Variants in HDAC4 observed in about 807,000 individuals in gnomAD.
HDAC4 encodes histone deacetylase 4, also known as histone deacetylase A.
Under a neutral mutation model 135.1 loss-of-function variants are expected in HDAC4, and 16 were observed. That is an observed-to-expected ratio of 0.12 (90% CI 0.08 to 0.18). HDAC4 has a LOEUF of 0.18. Among genes scored for constraint, HDAC4 ranks in the 10% least tolerant of loss-of-function variants. The pLI is 1.00. For synonymous variants in HDAC4, 685 were observed against 653.4 expected (o/e 1.05, Z -0.74); for missense variants, 1,143 against 1,511.8 (o/e 0.76, Z 4.05).
intron 2 of HDAC4, among the ~76,000 whole-genome samples, chr2:239,339,530 C>T (rs939916937): frequency 5.9e-5 from 9 of 152,202 alleles, no homozygotes; most frequent in Non-Finnish European, 1.0e-4. Flanking sequence ...CATGCTCTCT[C>T]GGGTGATGTG....
chr2:239,108,195 C>A lies in HDAC4; in HGVS notation c.1979-12G>T. ...GTCATACACGAGGCCTGGGGCGGGG[C>A]AGAGGGGCCAAGATCAGCGCACATC... On this transcript the variant is annotated splice_polypyrimidine_tract_variant and intron_variant, in intron 14 of 26. Transcript: ENST00000543185. 1 of 1,591,912 alleles carries A rather than the reference C, an allele frequency of 6.3e-7. No individual in the cohort carries two copies. The highest frequency in any genetic ancestry group is 8.5e-7 in the Non-Finnish European group (1 of 1,170,624).
intron 16 of HDAC4, 69 bp downstream of exon 16, chr2:239,102,707 T>G: frequency 9.6e-5 from 153 of 1,587,150 alleles, no homozygotes; most frequent in Middle Eastern, 1.7e-4. Context: ...CACAAGGGGT[T>G]GAGAGCTGGA....
chr2:239,314,948 T>C (rs2053054706), intron 2 of HDAC4, among the ~76,000 whole-genome samples: 1 of 152,170 alleles, frequency 6.6e-6, no homozygotes, highest in African/African-American at 2.4e-5. Context: ...TCCTCCCTTT[T>C]GGAATTGCTG....
chr2:239,082,693 G>A (rs1458641121), intron 20 of HDAC4, among the ~76,000 whole-genome samples: 1 of 152,258 alleles, frequency 6.6e-6, no homozygotes, highest in East Asian at 1.9e-4. Flanking sequence ...CAGGCAGGGC[G>A]TTCGGCAGGA....
At chr2:239,109,451 G>A (rs1419038150) in intron 14 of HDAC4, among the ~76,000 whole-genome samples, 2 of 152,202 alleles carry the variant, frequency 1.3e-5, no homozygotes, top group African/African-American at 2.4e-5. Context: ...AGGTGGTCCA[G>A]TGTTTGCAGG....
chr2:239,391,077 G>A (rs1303151775), intron 1 of HDAC4, among the ~76,000 whole-genome samples: 1 of 152,172 alleles, frequency 6.6e-6, no homozygotes, highest in African/African-American at 2.4e-5. Context: ...GCCTCGGCTC[G>A]GCCTCGATAC....
chr2:239,179,175 T>G (rs943725137), intron 4 of HDAC4, among the ~76,000 whole-genome samples: 19 of 152,208 alleles, frequency 1.2e-4, no homozygotes, highest in African/African-American at 4.6e-4. Context: ...ACTGGATGCC[T>G]GTGCTCCATG....
intron 1 of HDAC4, among the ~76,000 whole-genome samples, chr2:239,359,677 C>G (rs1161649917): frequency 3.3e-5 from 5 of 152,200 alleles, no homozygotes; most frequent in Non-Finnish European, 1.5e-5. Flanking sequence ...CAGAAATGGT[C>G]ATTCCCTGGT....
intron 2 of HDAC4, among the ~76,000 whole-genome samples, chr2:239,237,591 A>C (rs2047957177): frequency 6.6e-6 from 1 of 152,062 alleles, no homozygotes; most frequent in East Asian, 1.9e-4. Flanking sequence ...AAAAAAAAAA[A>C]ACCCATTTTT....
Position 239,302,772 on chromosome 2 carries a change from G to C in HDAC4, c.22+49906C>G, listed in dbSNP as rs7355652. 3.9e-5 allele frequency among the ~76,000 whole-genome samples: 6 copies of C among 152,338 alleles called. No individual in the cohort carries two copies. The South Asian group carries it at 1.2e-3, about 32-fold the overall frequency. ...GCGCACCCCTGCAGGAAGAACCATCGCTGCTCAAGGCAGTCATCTAAGAAC... is the reference window on the plus strand; with the variant it reads ...GCGCACCCCTGCAGGAAGAACCATCCCTGCTCAAGGCAGTCATCTAAGAAC... On this transcript the variant is annotated intron_variant, in intron 2 of 26. Transcript: ENST00000543185.
chr2:239,301,012 C>G (rs2052221473), intron 2 of HDAC4, among the ~76,000 whole-genome samples: 1 of 152,232 alleles, frequency 6.6e-6, no homozygotes, highest in Non-Finnish European at 1.5e-5. Context: ...AGCCCTGCCC[C>G]CTCCTCCGGG....
At position 239,263,301 on chromosome 2, in the gene HDAC4, T is replaced by C. The variant is rs556324087; in HGVS notation, c.23-26637A>G. 1.4e-4 allele frequency among the ~76,000 whole-genome samples: 16 copies of C among 113,354 alleles called. No homozygotes were observed. In the East Asian group the frequency reaches 3.8e-3, roughly 27 times the overall value. 74.4% of individuals were successfully genotyped at this position (113,354 alleles called of 152,430 possible). A position where few individuals can be genotyped will look rare whatever the true frequency, so the allele number is the denominator to read the frequency against. On this transcript the variant is annotated intron_variant, in intron 2 of 26. Coordinates refer to ENST00000543185, the MANE Select transcript of HDAC4 (RefSeq NM_001378414.1). ...CCCAGCCCCCTACACATCAGCTGTC[T>C]CGAAGCCCACCCTGAGGACCCCCGC...
chr2:239,151,328 T>C (rs1016500436), intron 7 of HDAC4, among the ~76,000 whole-genome samples: 1 of 152,162 alleles, frequency 6.6e-6, no homozygotes, highest in African/African-American at 2.4e-5. Context: ...CGGGAGGTCA[T>C]CTAGTCTGCC....
At chr2:239,312,162 C>T (rs1011659100) in intron 2 of HDAC4, among the ~76,000 whole-genome samples, 26 of 152,214 alleles carry the variant, frequency 1.7e-4, no homozygotes, top group Non-Finnish European at 1.5e-4. Flanking sequence ...ACACTGCAAC[C>T]TGGAAGGAGG....
intron 3 of HDAC4, among the ~76,000 whole-genome samples, chr2:239,211,132 CATCGAAA>C (rs1255217273): frequency 1.3e-5 from 2 of 152,210 alleles, no homozygotes; most frequent in Non-Finnish European, 2.9e-5. Flanking sequence ...AGCTTTCATG[CATCGAAA>C]ATCACTTTCT....
intron 1 of HDAC4, among the ~76,000 whole-genome samples, chr2:239,382,691 T>G (rs1461979297): frequency 6.6e-6 from 1 of 151,698 alleles, no homozygotes; most frequent in Non-Finnish European, 1.5e-5. Context: ...CAGCCCACCG[T>G]GATGGGAGCT....
chr2:239,331,653 C>T lies in HDAC4; in HGVS notation c.22+21025G>A, dbSNP rs893732525. ...CCAGGGCTGCACTGGACCCACCGTGCGGGGACTGCCAGGTAAACCTCAGCT... is the reference window on the plus strand; with the variant it reads ...CCAGGGCTGCACTGGACCCACCGTGTGGGGACTGCCAGGTAAACCTCAGCT... On this transcript the variant is annotated intron_variant, in intron 2 of 26. Transcript: ENST00000543185. The surrounding 1 kb of genome is among the most constrained non-coding windows in gnomAD (Gnocchi z 4.5). Among the ~76,000 whole-genome samples the T allele has an allele frequency of 1.2e-4, 18 of 152,126 alleles. No homozygotes were observed. The highest frequency in any genetic ancestry group is 9.6e-4 in the East Asian group (5 of 5,188).
In HDAC4 at chr2:239,139,630, C is replaced by G; in HGVS notation, c.978+54G>C. On this transcript the variant is annotated intron_variant, in intron 9 of 26. Transcript: ENST00000543185. The surrounding 1 kb of genome is among the most constrained non-coding windows in gnomAD (Gnocchi z 5.3). ...CAAAGTGGGGTCATTTCAAGCTCATCCGTCCCGAGTCCGACTCTAGCCGTA... is the reference window on the plus strand; with the variant it reads ...CAAAGTGGGGTCATTTCAAGCTCATGCGTCCCGAGTCCGACTCTAGCCGTA... 2.0e-6 allele frequency: 3 copies of G among 1,488,928 alleles called. No individual in the cohort carries two copies. Among genetic ancestry groups the G allele is most frequent in the Non-Finnish European group, 2.8e-6 (3 of 1,065,992 alleles). The allele number at this position is 1,488,928 out of a possible 1,614,324, so 92.2% of individuals were successfully genotyped here.
At chr2:239,290,761 C>T (rs936591562) in intron 2 of HDAC4, among the ~76,000 whole-genome samples, 1 of 152,142 alleles carries the variant, frequency 6.6e-6, no homozygotes, top group Non-Finnish European at 1.5e-5. Context: ...CACACACACA[C>T]CACACACGCT....
Sources: allele counts gnomAD v4.1 joint callset (sites outside exome capture counted in the v4.1 genomes callset), GRCh38; gene constraint gnomAD v4.1.1; non-coding constraint Gnocchi (gnomAD v3.1); transcripts MANE v1.5; gene names NCBI Gene and HGNC (gene_info 2026-07-23, HGNC 2026-07-21).